TSHZ2: variants seen among roughly 807,000 people sequenced by gnomAD.
The protein encoded by TSHZ2 is teashirt homolog 2.
A neutral mutation model predicts 74.4 loss-of-function variants in TSHZ2; 21 were observed. That is an observed-to-expected ratio of 0.28 (90% CI 0.20 to 0.41). The LOEUF is 0.41. Among genes scored for constraint, TSHZ2 ranks in the 10% least tolerant of loss-of-function variants. The pLI is 1.00. For missense variants in TSHZ2, 1,244 were observed against 1,293.5 expected, an observed-to-expected ratio of 0.96 and a Z score of 0.59; for synonymous variants, 540 against 515.3, an observed-to-expected ratio of 1.05 and a Z score of -0.65.
chr20:53,148,316 G>A (rs1031039234), intron 1 of TSHZ2, among the ~76,000 whole-genome samples: 1 of 152,118 alleles, frequency 6.6e-6, no homozygotes, highest in African/African-American at 2.4e-5. Flanking sequence ...GAAACAACTA[G>A]GGTGGGGAAG....
chr20:53,043,169 TA>T (rs949181178), intron 1 of TSHZ2, among the ~76,000 whole-genome samples: 3 of 152,228 alleles, frequency 2.0e-5, no homozygotes, highest in Non-Finnish European at 4.4e-5. Flanking sequence ...TGATTGTGCA[TA>T]AAAAAATTGC....
intron 1 of TSHZ2, among the ~76,000 whole-genome samples, chr20:53,091,256 A>G (rs1985878128): frequency 6.6e-6 from 1 of 152,226 alleles, no homozygotes; most frequent in Non-Finnish European, 1.5e-5. Context: ...AAGCCTGGAT[A>G]GTAGTGCAGG....
chr20:53,305,448 G>A (rs192652836), intron 2 of TSHZ2, among the ~76,000 whole-genome samples: 121 of 152,086 alleles, frequency 8.0e-4, no homozygotes, highest in African/African-American at 2.9e-3. Flanking sequence ...AGCTTACTAG[G>A]CAGAGAAGTG....
chr20:53,429,979 G>A (rs761127533), intron 2 of TSHZ2, among the ~76,000 whole-genome samples: 4 of 152,166 alleles, frequency 2.6e-5, no homozygotes, highest in Non-Finnish European at 5.9e-5. Flanking sequence ...ACCAGGCCAG[G>A]TGGGACAGCT....
At chr20:53,280,686 T>G (rs866956711) in intron 2 of TSHZ2, among the ~76,000 whole-genome samples, 40 of 147,252 alleles carry the variant, frequency 2.7e-4, no homozygotes, top group African/African-American at 1.0e-3. Context: ...TGTTGTTGTG[T>G]GTGGGGGTTT....
chr20:53,361,493 T>C (rs1248940709), intron 2 of TSHZ2, among the ~76,000 whole-genome samples: 1 of 152,214 alleles, frequency 6.6e-6, no homozygotes, highest in African/African-American at 2.4e-5. Context: ...CAAACTCTTT[T>C]TTATAACTCA....
intron 2 of TSHZ2, among the ~76,000 whole-genome samples, chr20:53,336,564 G>A (rs968046054): frequency 6.6e-6 from 1 of 152,184 alleles, no homozygotes; most frequent in African/African-American, 2.4e-5. Context: ...ATCCAAGCTG[G>A]TGGGTAAGCA....
intron 1 of TSHZ2, among the ~76,000 whole-genome samples, chr20:53,042,008 G>A (rs1984056635): frequency 1.3e-5 from 2 of 152,096 alleles, no homozygotes; most frequent in African/African-American, 4.8e-5. Flanking sequence ...TTTCCTGGAA[G>A]GAAATAAGCC....
At chr20:53,004,553 A>G (rs1449816271) in intron 1 of TSHZ2, among the ~76,000 whole-genome samples, 1 of 152,230 alleles carries the variant, frequency 6.6e-6, no homozygotes, top group Non-Finnish European at 1.5e-5. Flanking sequence ...ATTTACGCTT[A>G]GCAGTCCAGA....
chr20:53,359,120 C>G (rs1233171807), intron 2 of TSHZ2, among the ~76,000 whole-genome samples: 3 of 152,158 alleles, frequency 2.0e-5, no homozygotes, highest in Admixed American at 6.5e-5. Context: ...AGGGCCTACT[C>G]TAATCCAGTT....
chr20:53,344,706 T>G (rs1023347973), intron 2 of TSHZ2, among the ~76,000 whole-genome samples: 1 of 152,128 alleles, frequency 6.6e-6, no homozygotes, highest in African/African-American at 2.4e-5. Flanking sequence ...ACTGGGTATG[T>G]TAAAAATAGA....
At chr20:53,054,149 T>A (rs149990435) in intron 1 of TSHZ2, among the ~76,000 whole-genome samples, 63 of 152,326 alleles carry the variant, frequency 4.1e-4, no homozygotes, top group African/African-American at 1.5e-3. Context: ...AATTATCTCA[T>A]GATTTGAGCA....
At chr20:53,372,978 A>G (rs1418073232) in intron 2 of TSHZ2, among the ~76,000 whole-genome samples, 1 of 151,930 alleles carries the variant, frequency 6.6e-6, no homozygotes, top group Non-Finnish European at 1.5e-5. Flanking sequence ...ACATTCCACA[A>G]TGGCCTTTTC....
At chr20:53,050,187 G>GTGTA (rs1555819370) in intron 1 of TSHZ2, among the ~76,000 whole-genome samples, 1 of 128,138 alleles carries the variant, frequency 7.8e-6, no homozygotes, top group African/African-American at 3.1e-5. Flanking sequence ...ACATATATAT[G>GTGTA]TATATATATA....
intron 2 of TSHZ2, among the ~76,000 whole-genome samples, chr20:53,266,124 A>G (rs1990711431): frequency 6.6e-6 from 1 of 152,154 alleles, no homozygotes; most frequent in South Asian, 2.1e-4. Context: ...TTTTATGGGA[A>G]CACCAAGGAG....
chr20:53,340,328 C>A (rs1314318175), intron 2 of TSHZ2, among the ~76,000 whole-genome samples: 2 of 151,770 alleles, frequency 1.3e-5, no homozygotes, highest in Non-Finnish European at 2.9e-5. Flanking sequence ...ACTACAGGCG[C>A]CCGCCACCAT....
intron 1 of TSHZ2, among the ~76,000 whole-genome samples, chr20:53,205,720 G>C (rs1481782717): frequency 6.6e-6 from 1 of 152,146 alleles, no homozygotes; most frequent in Admixed American, 6.5e-5. Context: ...GGGTCCCTGG[G>C]AATGAATACT....
At chr20:53,098,939 A>G (rs999893807) in intron 1 of TSHZ2, among the ~76,000 whole-genome samples, 1 of 152,216 alleles carries the variant, frequency 6.6e-6, no homozygotes, top group Admixed American at 6.5e-5. Flanking sequence ...TTGGATGGTT[A>G]CAATTCCCTC....
At position 53,119,635 on chromosome 20, in the gene TSHZ2, C is replaced by T. The variant is rs1936973; in HGVS notation, c.41-133864C>T. Among the ~76,000 whole-genome samples, 6 of 152,112 alleles carry T rather than the reference C, an allele frequency of 3.9e-5. No individual in the cohort carries two copies. The South Asian group carries it at 1.0e-3, about 26-fold the overall frequency. On this transcript the variant is annotated intron_variant, in intron 1 of 2. Transcript: ENST00000371497. ...AATATGCAAAAAAAGAATGTGAAAGCTTCCACTGACAATGTTTATATCAAT... is the reference window on the plus strand; with the variant it reads ...AATATGCAAAAAAAGAATGTGAAAGTTTCCACTGACAATGTTTATATCAAT...
Sources: gnomAD v4.1 joint callset for allele counts (sites outside exome capture counted in the v4.1 genomes callset) on GRCh38, gnomAD v4.1.1 for gene constraint, MANE v1.5 for transcripts, NCBI Gene and HGNC (gene_info 2026-07-23, HGNC 2026-07-21) for gene names.